The following UGT1A3 variants were observed in gnomAD, a reference collection of about 807,000 sequenced individuals.
The protein encoded by UGT1A3 is UDP glucuronosyltransferase family 1 member A3.
UGT1A3 carries 31 observed loss-of-function variants against 41.0 expected under a neutral mutation model. The observed-to-expected ratio is 0.76, with a 90% CI of 0.57 to 1.02. The LOEUF is 1.02. Ranked by LOEUF, UGT1A3 falls within the 50% of genes least tolerant of loss-of-function variation. The pLI is 0.00. For synonymous variants in UGT1A3, 262 were observed against 257.6 expected, an observed-to-expected ratio of 1.02 and a Z score of -0.17; for missense variants, 737 against 671.0, an observed-to-expected ratio of 1.10 and a Z score of -1.09.
Position 233,768,459 on chromosome 2 carries a change from A to G in UGT1A3, c.1307+20A>G, listed in dbSNP as rs746261768. ...CAAAAGGTAAGAAAGAAGATACAGA[A>G]GAATACTTTGGTCATGGCATTCATG... On this transcript the variant is annotated intron_variant, in intron 4 of 4. Transcript: ENST00000482026. 1.1e-5 allele frequency: 17 copies of G among 1,609,762 alleles called. No homozygotes were observed. In the South Asian group the frequency reaches 1.9e-4, roughly 18 times the overall value.
intron 1 of UGT1A3, among the ~76,000 whole-genome samples, chr2:233,764,026 T>C (rs980223655): frequency 5.3e-5 from 8 of 152,158 alleles, no homozygotes; most frequent in African/African-American, 1.9e-4. Flanking sequence ...GGTGTCTAAG[T>C]GCTAAAGAAG....
intron 1 of UGT1A3, chr2:233,747,681 T>G (rs1693750357): frequency 1.2e-6 from 2 of 1,608,352 alleles, no homozygotes; most frequent in Admixed American, 1.7e-5. Flanking sequence ...AATTTACCTC[T>G]GTGGGGCAGT....
chr2:233,755,233 A>G (rs958383354), intron 1 of UGT1A3: 16 of 920,004 alleles, frequency 1.7e-5, no homozygotes, highest in Admixed American at 5.9e-5. Context: ...GACGAGGCCT[A>G]CCGGGGTACT....
Position 233,772,595 on chromosome 2 carries a change from T to C in UGT1A3, c.*36T>C. On this transcript the variant is annotated 3_prime_UTR_variant, in exon 5 of 5. Transcript: ENST00000482026. ...GGAAATAAGGTAAAATTTTGAACCA[T>C]TCCCTAGTCATTTCCAAACTTGAAA... 1 of 1,596,790 alleles carries C rather than the reference T, an allele frequency of 6.3e-7. No homozygotes were observed. Among genetic ancestry groups the C allele is most frequent in the Non-Finnish European group, 8.5e-7 (1 of 1,170,806 alleles).
intron 1 of UGT1A3, among the ~76,000 whole-genome samples, chr2:233,732,119 T>C (rs1297599080): frequency 7.1e-6 from 1 of 141,674 alleles, no homozygotes; most frequent in African/African-American, 2.7e-5. Context: ...TTTGCCCACT[T>C]TTTGATGAGG....
chr2:233,742,169 GAA>G (rs2125841424), intron 1 of UGT1A3, among the ~76,000 whole-genome samples: 1 of 152,048 alleles, frequency 6.6e-6, no homozygotes, highest in East Asian at 1.9e-4. Context: ...CACACACACA[GAA>G]ATATAGAGTG....
intron 1 of UGT1A3, chr2:233,756,054 A>G (rs530980162): frequency 6.6e-6 from 1 of 152,352 alleles, no homozygotes; most frequent in East Asian, 1.9e-4. Flanking sequence ...ACTCCACTGT[A>G]CACTTGTGGG....
chr2:233,760,180 T>C (rs1376949252), intron 1 of UGT1A3: 1 of 1,548,272 alleles, frequency 6.5e-7, no homozygotes, highest in Non-Finnish European at 8.7e-7. Flanking sequence ...GACAGCTTTT[T>C]ATAGTCACGT....
chr2:233,734,462 A>G (rs990660022), intron 1 of UGT1A3, among the ~76,000 whole-genome samples: 2 of 145,254 alleles, frequency 1.4e-5, no homozygotes, highest in African/African-American at 5.4e-5. Context: ...TTCAAAATCC[A>G]TCTCCTGGAT....
Position 233,769,443 on chromosome 2 carries a change from G to T in UGT1A3, c.1307+1004G>T. 1.3e-6 allele frequency: 2 copies of T among 1,564,916 alleles called. No homozygotes were observed. The highest frequency in any genetic ancestry group is 1.8e-6 in the Non-Finnish European group (2 of 1,139,736). On this transcript the variant is annotated intron_variant, in intron 4 of 4. Coordinates refer to ENST00000482026, the MANE Select transcript of UGT1A3 (RefSeq NM_019093.4). This position sits in a 1 kb window ranked among gnomAD's most constrained non-coding sequence, Gnocchi z 4.4. The stretch of plus-strand genomic sequence containing the variant: ...CATGTGGCTGTGCTCATGTGTGGGT[G>T]CACACGTGTGCATTCATATGCGTGT...
intron 1 of UGT1A3, chr2:233,747,220 A>G: frequency 6.2e-7 from 1 of 1,605,538 alleles, no homozygotes; most frequent in South Asian, 1.1e-5. Flanking sequence ...TGAGATGGCC[A>G]CAGGACCCCA....
At position 233,742,113 on chromosome 2, in the gene UGT1A3, C is replaced by T. The variant is rs368055004; in HGVS notation, c.867+12120C>T. On this transcript the variant is annotated intron_variant, in intron 1 of 4. Coordinates refer to ENST00000482026, the MANE Select transcript of UGT1A3 (RefSeq NM_019093.4). ...TTCCAGGACCCACTGCCAAGACCAGCTTGGTCGTGGAGACCCTAACCCAGC... is the reference window on the plus strand; with the variant it reads ...TTCCAGGACCCACTGCCAAGACCAGTTTGGTCGTGGAGACCCTAACCCAGC... 2.0e-4 allele frequency among the ~76,000 whole-genome samples: 30 copies of T among 151,982 alleles called. 1 individual carries two copies. The highest frequency in any genetic ancestry group is 7.0e-4 in the African/African-American group (29 of 41,250).
intron 1 of UGT1A3, among the ~76,000 whole-genome samples, chr2:233,759,961 C>T (rs1009122794): frequency 6.6e-6 from 1 of 152,158 alleles, no homozygotes; most frequent in Non-Finnish European, 1.5e-5. Context: ...ACATAGTCGT[C>T]CTTCTTCCTC....
chr2:233,740,379 T>C (rs1691378292), intron 1 of UGT1A3, among the ~76,000 whole-genome samples: 1 of 151,912 alleles, frequency 6.6e-6, no homozygotes, highest in Admixed American at 6.5e-5. Flanking sequence ...AGGTAAGTTG[T>C]TGTGTGAATT....
chr2:233,752,944 C>T (rs1559397408), intron 1 of UGT1A3, among the ~76,000 whole-genome samples: 2 of 152,230 alleles, frequency 1.3e-5, no homozygotes, highest in Non-Finnish European at 2.9e-5. Context: ...TTGCTGACCA[C>T]TGAACAATGG....
chr2:233,732,424 AG>A (rs1319595536), intron 1 of UGT1A3, among the ~76,000 whole-genome samples: 1 of 152,242 alleles, frequency 6.6e-6, no homozygotes, highest in Non-Finnish European at 1.5e-5. Flanking sequence ...GTTTTCTTCT[AG>A]GATTTTTATG....
At chr2:233,772,131 C>T in intron 4 of UGT1A3, 131 bp from the exon 5 acceptor site, 2 of 1,543,198 alleles carry the variant, frequency 1.3e-6, no homozygotes, top group South Asian at 2.4e-5. Context: ...ACAACAACAA[C>T]AATAATAGAA....
chr2:233,729,151 C>G lies in UGT1A3; in HGVS notation c.25C>G (p.Leu9Val), dbSNP rs780105483. Residue 9 changes from leucine to valine, a missense_variant, in exon 1 of 5, where the codon CTG becomes GTG. Physicochemically the swap from Leu to Val is conservative, Grantham distance 32. Coordinates refer to ENST00000482026, the MANE Select transcript of UGT1A3 (RefSeq NM_019093.4). ...GATGGCCACAGGACTCCAGGTTCCC[C>G]TGCCGTGGCTGGCCACAGGACTGCT... is the stretch of plus-strand genomic sequence containing the variant. MATGLQVP[L>V]PWLATGLLLL... The G allele has an allele frequency of 1.9e-6, 3 of 1,613,562 alleles. No homozygotes were observed. The highest frequency in any genetic ancestry group is 2.2e-5 in the South Asian group (2 of 91,046).
At chr2:233,743,723 T>C (rs1252847371) in intron 1 of UGT1A3, 5 of 1,367,380 alleles carry the variant, frequency 3.7e-6, no homozygotes, top group South Asian at 2.3e-5. Flanking sequence ...ATAGCGGTCA[T>C]AGATATCGCG....
Sources: gnomAD v4.1 joint callset for allele counts (sites outside exome capture counted in the v4.1 genomes callset) on GRCh38, gnomAD v4.1.1 for gene constraint, Gnocchi (gnomAD v3.1) non-coding constraint, MANE v1.5 for transcripts, NCBI Gene and HGNC (gene_info 2026-07-23, HGNC 2026-07-21) for gene names.